LASP1: variants seen among roughly 807,000 people sequenced by gnomAD.
The protein encoded by LASP1 is LIM and SH3 protein 1.
In LASP1, 10 loss-of-function variants were observed where a neutral mutation model predicts 38.6. That is an observed-to-expected ratio of 0.26 (90% CI 0.16 to 0.44). The LOEUF (loss-of-function observed/expected upper bound fraction) is 0.44. LASP1 is among the 20% of genes least tolerant of loss of function. The pLI, the probability that LASP1 is intolerant of heterozygous loss-of-function variation, is 1.00. For synonymous variants in LASP1, 132 were observed against 140.8 expected, an observed-to-expected ratio of 0.94 and a Z score of 0.44; for missense variants, 243 against 375.7, an observed-to-expected ratio of 0.65 and a Z score of 2.92.
chr17:38,882,452 T>C (rs1185393017), intron 2 of LASP1, among the ~76,000 whole-genome samples: 1 of 152,144 alleles, frequency 6.6e-6, no homozygotes, highest in Non-Finnish European at 1.5e-5. Flanking sequence ...TTTTCCATGT[T>C]GGCCAGGCTG....
chr17:38,881,518 G>C (rs170492), intron 2 of LASP1, among the ~76,000 whole-genome samples: 104,457 of 150,322 alleles, frequency 0.69, 36,358 homozygotes, highest in African/African-American at 0.83. Flanking sequence ...CAGCCTCCTC[G>C]TGTTTTCTTC....
In LASP1 at chr17:38,918,869, T is replaced by C. The variant is rs918867147; in HGVS notation, c.*91T>C. The C allele has an allele frequency of 2.1e-6, 3 of 1,422,946 alleles. No individual in the cohort carries two copies. The highest frequency in any genetic ancestry group is 4.0e-5 in the Admixed American group (2 of 50,170). 88.1% of individuals were successfully genotyped at this position (1,422,946 alleles called of 1,614,324 possible). ...GTCCATTCTTCAGTGTCTCTGTTTT[T>C]TAAAACCTGCGACAGCTTGTGATTC... On this transcript the variant is annotated 3_prime_UTR_variant, in exon 7 of 7. Transcript: ENST00000318008. This position sits in a 1 kb window ranked among gnomAD's most constrained non-coding sequence, Gnocchi z 4.4.
intron 1 of LASP1, among the ~76,000 whole-genome samples, chr17:38,875,074 T>TGTGTGTGTGTGTGTGTGTGTGTGTGTGG (rs1913724957): frequency 6.8e-6 from 1 of 147,272 alleles, no homozygotes; most frequent in Non-Finnish European, 1.5e-5. Flanking sequence ...TGTGTGTGTG[T>TGTGTGTGTGTGTGTGTGTGTGTGTGTGG]GTGTGTGTGT....
chr17:38,914,303 C>T, intron 4 of LASP1, 22 bp from the exon 5 acceptor site: 2 of 1,592,968 alleles, frequency 1.3e-6, no homozygotes, highest in South Asian at 1.1e-5. Flanking sequence ...GACCCTTCAC[C>T]TAGTGCCTTC....
At chr17:38,909,762 T>TTCATTC in intron 4 of LASP1, among the ~76,000 whole-genome samples, 1 of 119,272 alleles carries the variant, frequency 8.4e-6, no homozygotes, top group South Asian at 2.8e-4. Flanking sequence ...TTCATTCATT[T>TTCATTC]GTTTTGAGAT....
intron 3 of LASP1, among the ~76,000 whole-genome samples, chr17:38,896,078 C>A (rs1037442677): frequency 1.4e-5 from 1 of 73,904 alleles, no homozygotes; most frequent in African/African-American, 3.5e-5. Context: ...GGTGAGCCAT[C>A]CTAGACAACA....
At chr17:38,905,390 TGGTGGCGCACTC>T (rs1914748401) in intron 4 of LASP1, among the ~76,000 whole-genome samples, 1 of 151,834 alleles carries the variant, frequency 6.6e-6, no homozygotes, top group South Asian at 2.1e-4. Context: ...TAGCCGGGTG[TGGTGGCGCACTC>T]GGTGGCGCAA....
At chr17:38,907,009 T>C (rs976644790) in intron 4 of LASP1, among the ~76,000 whole-genome samples, 3 of 152,220 alleles carry the variant, frequency 2.0e-5, no homozygotes, top group African/African-American at 7.2e-5. Context: ...TTTGCAGAGC[T>C]TGGAGCAGGG....
intron 3 of LASP1, among the ~76,000 whole-genome samples, chr17:38,895,528 C>A (rs1914462820): frequency 6.6e-6 from 1 of 152,146 alleles, no homozygotes; most frequent in East Asian, 1.9e-4. Flanking sequence ...GCATGTTAGG[C>A]TGGTCATGAA....
rs201222670 is a variant in LASP1 at position 38,878,178 on chromosome 17, C to T, written c.162C>T (p.Asn54=). ...YKGYEKKPYC[N]AHYPKQSFTM... is the part of the protein sequence containing the mutation. ...GCTACGAGAAGAAGCCCTACTGCAA[C>T]GCGTGAGTCCTGTTCTGGGCAGGGG... Residue 54 remains asparagine, a splice_region_variant and synonymous_variant, in exon 2 of 7, where the codon AAC becomes AAT. Coordinates refer to ENST00000318008, the MANE Select transcript of LASP1 (RefSeq NM_006148.4). 1.7e-5 allele frequency: 27 copies of T among 1,610,412 alleles called. No homozygotes were observed. Among genetic ancestry groups the T allele is most frequent in the Admixed American group, 8.3e-5 (5 of 59,900 alleles).
At chr17:38,914,078 A>C (rs1200517641) in intron 4 of LASP1, among the ~76,000 whole-genome samples, 2 of 151,778 alleles carry the variant, frequency 1.3e-5, no homozygotes, top group Non-Finnish European at 2.9e-5. Flanking sequence ...TACATCGGTC[A>C]TTTCATTGCA....
At chr17:38,889,043 C>T (rs1914226015) in intron 2 of LASP1, among the ~76,000 whole-genome samples, 1 of 152,240 alleles carries the variant, frequency 6.6e-6, no homozygotes, top group South Asian at 2.1e-4. Flanking sequence ...GAATACCAGT[C>T]ACACAGGTGG....
At chr17:38,874,553 A>G (rs1462443514) in intron 1 of LASP1, among the ~76,000 whole-genome samples, 1 of 152,076 alleles carries the variant, frequency 6.6e-6, no homozygotes, top group East Asian at 1.9e-4. Flanking sequence ...AGGGTAGGGG[A>G]GTCGCCTGAA....
At chr17:38,886,658 G>A (rs1037291530) in intron 2 of LASP1, among the ~76,000 whole-genome samples, 6 of 152,244 alleles carry the variant, frequency 3.9e-5, no homozygotes, top group Admixed American at 3.3e-4. Context: ...TCCCGAGACC[G>A]TCTGGTGGGT....
At chr17:38,902,310 C>T in intron 4 of LASP1, among the ~76,000 whole-genome samples, 1 of 151,776 alleles carries the variant, frequency 6.6e-6, no homozygotes, top group Admixed American at 6.6e-5. Context: ...ATCCTCCCGC[C>T]TCAGCCTCCT....
At chr17:38,887,680 T>C (rs1449388109) in intron 2 of LASP1, among the ~76,000 whole-genome samples, 2 of 152,028 alleles carry the variant, frequency 1.3e-5, no homozygotes, top group Non-Finnish European at 2.9e-5. Context: ...TCCGGGACAG[T>C]GAAACTGGCC....
rs1442295593 is a variant in LASP1, at chr17:38,920,123, G to C, written c.*1345G>C. ...CCCTTTGCAGTGTGCAGGGTGGAAG[G>C]TAAGAGGTTGGTGTGGAGTTGGGGC... On this transcript the variant is annotated 3_prime_UTR_variant, in exon 7 of 7. Coordinates refer to ENST00000318008, the MANE Select transcript of LASP1 (RefSeq NM_006148.4). The C allele has an allele frequency of 5.6e-6, 3 of 536,598 alleles. No individual in the cohort carries two copies. Among genetic ancestry groups the C allele is most frequent in the Admixed American group, 4.4e-5 (2 of 45,044 alleles). 33.2% of individuals were successfully genotyped at this position (536,598 alleles called of 1,614,324 possible).
In LASP1 at chr17:38,914,620, G is replaced by C; in HGVS notation, c.508+145G>C. The C allele has an allele frequency of 3.8e-6, 4 of 1,066,016 alleles. No individual in the cohort carries two copies. The South Asian group carries it at 6.7e-5, about 18-fold the overall frequency. The allele number at this position is 1,066,016 out of a possible 1,614,324, so 66.0% of individuals were successfully genotyped here. A position where few individuals can be genotyped will look rare whatever the true frequency, so the allele number is the denominator to read the frequency against. On this transcript the variant is annotated intron_variant, in intron 5 of 6. Coordinates refer to ENST00000318008, the MANE Select transcript of LASP1 (RefSeq NM_006148.4). ...GATTATGCCTCTTGTGTGCAAGAGG[G>C]GACCAGAGGACCTGAGGCCGGGCCA...
At chr17:38,901,866 C>T (rs185254556) in intron 4 of LASP1, among the ~76,000 whole-genome samples, 2 of 151,966 alleles carry the variant, frequency 1.3e-5, no homozygotes, top group East Asian at 3.9e-4. Context: ...CCCGGGTTCA[C>T]GCCATTCTGC....
Sources: allele counts gnomAD v4.1 joint callset (sites outside exome capture counted in the v4.1 genomes callset), GRCh38; gene constraint gnomAD v4.1.1; non-coding constraint Gnocchi (gnomAD v3.1); transcripts MANE v1.5; gene names NCBI Gene and HGNC (gene_info 2026-07-23, HGNC 2026-07-21).